Variants in CTNNA2 observed in about 807,000 individuals in gnomAD.
CTNNA2 encodes the protein catenin alpha 2, also known as catenin alpha-2.
CTNNA2 carries 42 observed loss-of-function variants against 101.0 expected under a neutral mutation model. That is an observed-to-expected ratio of 0.42 (90% CI 0.32 to 0.54). CTNNA2 has a LOEUF of 0.54. Ranked by LOEUF, CTNNA2 falls within the 20% of genes least tolerant of loss-of-function variation. CTNNA2 has a pLI of 0.14. For synonymous variants in CTNNA2, 450 were observed against 456.4 expected, an observed-to-expected ratio of 0.99 and a Z score of 0.18; for missense variants, 871 against 1,223.1, an observed-to-expected ratio of 0.71 and a Z score of 4.29.
At chr2:79,403,820 A>T (rs2218881) in intron 4 of CTNNA2, among the ~76,000 whole-genome samples, 6,821 of 152,022 alleles carry the variant, frequency 0.045, 515 homozygotes, top group African/African-American at 0.16. Context: ...TTGAGTGTTG[A>T]TGGGGGTGTA....
At chr2:80,281,105 G>T (rs2149160397) in intron 7 of CTNNA2, among the ~76,000 whole-genome samples, 1 of 152,186 alleles carries the variant, frequency 6.6e-6, no homozygotes, top group East Asian at 1.9e-4. Context: ...GCTGCCTCTT[G>T]GTTTCATTGA....
chr2:80,049,961 C>A (rs1041849894), intron 7 of CTNNA2, among the ~76,000 whole-genome samples: 2 of 152,120 alleles, frequency 1.3e-5, no homozygotes, highest in Non-Finnish European at 2.9e-5. Flanking sequence ...GGCTTGCGGC[C>A]TATAGGACTC....
At chr2:79,908,096 A>G (rs1311215892) in intron 6 of CTNNA2, among the ~76,000 whole-genome samples, 1 of 152,214 alleles carries the variant, frequency 6.6e-6, no homozygotes, top group Non-Finnish European at 1.5e-5. Flanking sequence ...TCACTTTGTA[A>G]TAACTTAAGC....
intron 7 of CTNNA2, among the ~76,000 whole-genome samples, chr2:80,060,853 C>T (rs558015308): frequency 6.6e-6 from 1 of 152,198 alleles, no homozygotes; most frequent in Non-Finnish European, 1.5e-5. Flanking sequence ...CTGAGGCCCT[C>T]TGCTCTTAGA....
intron 4 of CTNNA2, among the ~76,000 whole-genome samples, chr2:79,393,045 G>C (rs1678192290): frequency 6.6e-6 from 1 of 152,104 alleles, no homozygotes; most frequent in Admixed American, 6.6e-5. Context: ...ACTACAGCAG[G>C]GAGATTTGGA....
At chr2:79,771,220 A>G (rs546968210) in intron 3 of CTNNA2, among the ~76,000 whole-genome samples, 1 of 152,308 alleles carries the variant, frequency 6.6e-6, no homozygotes, top group East Asian at 1.9e-4. Context: ...ACTAGAATAT[A>G]CTTAAAAATC....
At chr2:80,297,450 G>A (rs541106544) in intron 7 of CTNNA2, among the ~76,000 whole-genome samples, 14 of 152,224 alleles carry the variant, frequency 9.2e-5, no homozygotes, top group Admixed American at 5.9e-4. Context: ...CCATACCAGC[G>A]ACTGCTCAGT....
intron 4 of CTNNA2, among the ~76,000 whole-genome samples, chr2:79,500,446 C>T (rs1386155205): frequency 6.6e-6 from 1 of 152,162 alleles, no homozygotes; most frequent in Non-Finnish European, 1.5e-5. Flanking sequence ...GAATCAAATG[C>T]AGTCCTTCTT....
intron 7 of CTNNA2, among the ~76,000 whole-genome samples, chr2:80,023,538 A>G (rs558826379): frequency 2.1e-4 from 32 of 152,166 alleles, no homozygotes; most frequent in Non-Finnish European, 4.1e-4. Context: ...AGAATGATTA[A>G]AGTGGTTCTA....
chr2:79,738,230 G>A (rs1249356502), intron 2 of CTNNA2, among the ~76,000 whole-genome samples: 1 of 152,100 alleles, frequency 6.6e-6, no homozygotes, highest in Admixed American at 6.6e-5. Flanking sequence ...GTGTTCCTGG[G>A]ACCATTATTA....
intron 7 of CTNNA2, among the ~76,000 whole-genome samples, chr2:80,165,286 AT>A (rs1169569789): frequency 2.1e-5 from 3 of 143,424 alleles, no homozygotes; most frequent in African/African-American, 7.8e-5. Flanking sequence ...CTAGTTCCTG[AT>A]TTTTTTCTTT....
At position 79,330,098 on chromosome 2, in the gene CTNNA2, G is replaced by A. The variant is rs189390751; in HGVS notation, c.-318+17302G>A. ...TGGTGGTGTCATCGTTCACTGCCTC[G>A]TGAATTTTCACCTCTACCTGGCACT... On this transcript the variant is annotated intron_variant, in intron 3 of 21. Transcript: ENST00000466387. Among the ~76,000 whole-genome samples the A allele has an allele frequency of 2.8e-4, 43 of 152,262 alleles. 2 individuals are homozygous for A. The East Asian group carries it at 6.8e-3, about 24-fold the overall frequency.
chr2:80,080,664 G>A (rs1699078494), intron 7 of CTNNA2, among the ~76,000 whole-genome samples: 1 of 152,078 alleles, frequency 6.6e-6, no homozygotes, highest in Non-Finnish European at 1.5e-5. Flanking sequence ...TATTTTATTT[G>A]GAGACCTGAT....
At chr2:79,362,608 A>G (rs902053118) in intron 3 of CTNNA2, among the ~76,000 whole-genome samples, 2 of 152,178 alleles carry the variant, frequency 1.3e-5, no homozygotes, top group Non-Finnish European at 2.9e-5. Context: ...TTCTCTTTAC[A>G]TGATGATGTT....
chr2:79,351,625 T>C (rs1677389516), intron 3 of CTNNA2, among the ~76,000 whole-genome samples: 1 of 152,140 alleles, frequency 6.6e-6, no homozygotes, highest in East Asian at 1.9e-4. Context: ...GCATCTATTG[T>C]TCCCATTTTT....
intron 3 of CTNNA2, among the ~76,000 whole-genome samples, chr2:79,321,792 T>TGC (rs1182196173): frequency 7.7e-6 from 1 of 129,578 alleles, no homozygotes; most frequent in African/African-American, 3.1e-5. Flanking sequence ...CCACTGTGTT[T>TGC]GCACACACAC....
chr2:80,318,344 CCT>C (rs1477818558), intron 7 of CTNNA2, among the ~76,000 whole-genome samples: 7 of 152,082 alleles, frequency 4.6e-5, no homozygotes, highest in African/African-American at 1.4e-4. Flanking sequence ...CCCCTCCTCC[CCT>C]GTTTTCCTTT....
intron 1 of CTNNA2, among the ~76,000 whole-genome samples, chr2:79,566,120 A>G (rs927154216): frequency 5.9e-5 from 9 of 152,260 alleles, no homozygotes; most frequent in African/African-American, 2.2e-4. Flanking sequence ...AAGAACTAAA[A>G]GATACCTATT....
chr2:80,260,903 T>G (rs895866654), intron 7 of CTNNA2, among the ~76,000 whole-genome samples: 1 of 152,224 alleles, frequency 6.6e-6, no homozygotes, highest in African/African-American at 2.4e-5. Context: ...GTAAAATATT[T>G]AGGTAACATT....
Sources: gnomAD v4.1 joint callset for allele counts (sites outside exome capture counted in the v4.1 genomes callset) on GRCh38, gnomAD v4.1.1 for gene constraint, MANE v1.5 for transcripts, NCBI Gene and HGNC (gene_info 2026-07-23, HGNC 2026-07-21) for gene names.